The following LRRC69 variants were observed in gnomAD, a reference collection of about 807,000 sequenced individuals.
LRRC69 encodes leucine-rich repeat-containing protein 69.
A neutral mutation model predicts 37.8 loss-of-function variants in LRRC69; 42 were observed. That is an observed-to-expected ratio of 1.11 (90% CI 0.87 to 1.44). LRRC69 has a LOEUF of 1.44. Ranked by LOEUF, LRRC69 falls within the 40% of genes most tolerant of loss-of-function variation. The pLI is 0.00. For synonymous variants in LRRC69, 141 were observed against 143.1 expected (o/e 0.99, Z 0.11); for missense variants, 357 against 401.9 (o/e 0.89, Z 0.96).
chr8:91,110,285 G>C (rs1425767517), intron 1 of LRRC69, among the ~76,000 whole-genome samples: 2 of 151,998 alleles, frequency 1.3e-5, no homozygotes, highest in African/African-American at 4.8e-5. Context: ...CCATGATTTA[G>C]TTTAGGAAGA....
intron 1 of LRRC69, chr8:91,118,125 A>C (rs928879537): frequency 1.8e-5 from 8 of 454,624 alleles, no homozygotes; most frequent in Middle Eastern, 3.3e-4. Flanking sequence ...AACAAGATAA[A>C]AGTGCTACCC....
At position 91,200,686 on chromosome 8, in the gene LRRC69, A is replaced by G. The variant is rs1020548884; in HGVS notation, c.827A>G (p.Tyr276Cys). 3 of 1,527,806 alleles carry G rather than the reference A, an allele frequency of 2.0e-6. No individual in the cohort carries two copies. In the African/African-American group the frequency reaches 4.2e-5, roughly 21 times the overall value. The allele number at this position is 1,527,806 out of a possible 1,614,324, so 94.6% of individuals were successfully genotyped here. A position where few individuals can be genotyped will look rare whatever the true frequency, so the allele number is the denominator to read the frequency against. The change falls in exon 7 of 8, where the codon TAC (tyrosine) becomes TGC (cysteine). Residue 276 changes from tyrosine to cysteine, a missense_variant. Physicochemically the swap from Tyr to Cys is radical, Grantham distance 194. Coordinates refer to ENST00000448384, the Ensembl canonical transcript of LRRC69. ...TTCCTAATGGATGACATAGAACGGTACCCACAAGTCAGGAGCATGATCTCT... is the reference window on the plus strand; with the variant it reads ...TTCCTAATGGATGACATAGAACGGTGCCCACAAGTCAGGAGCATGATCTCT...
At chr8:91,171,297 T>TAA (rs1809126048) in intron 5 of LRRC69, among the ~76,000 whole-genome samples, 1 of 151,050 alleles carries the variant, frequency 6.6e-6, no homozygotes, top group African/African-American at 2.4e-5. Context: ...ATTTTAGTAT[T>TAA]AGTTATTCCA....
intron 6 of LRRC69, among the ~76,000 whole-genome samples, chr8:91,192,567 G>A (rs1809517781): frequency 6.6e-6 from 1 of 151,518 alleles, no homozygotes; most frequent in African/African-American, 2.4e-5. Context: ...ATCTCATTGT[G>A]GTTTTGATTT....
intron 5 of LRRC69, among the ~76,000 whole-genome samples, chr8:91,180,863 A>T (rs1198630360): frequency 6.6e-6 from 1 of 152,198 alleles, no homozygotes; most frequent in Non-Finnish European, 1.5e-5. Flanking sequence ...ACAGTGAGAG[A>T]TGGAAGTGGG....
chr8:91,124,520 CT>C lies in LRRC69; in HGVS notation c.215del (p.Leu72Ter). On this transcript the variant is annotated frameshift_variant, in exon 2 of 8. Transcript: ENST00000448384. LOFTEE classifies it high-confidence loss of function. ...GACAACACTAAATCTGGGAAACAAC[CT>C]TTTAGAAGAAGTTCCGGAAGAGATG... The C allele has an allele frequency of 6.5e-7, 1 of 1,540,446 alleles. No individual in the cohort carries two copies. The highest frequency in any genetic ancestry group is 8.8e-7 in the Non-Finnish European group (1 of 1,141,554).
chr8:91,137,679 T>C (rs576707600), intron 5 of LRRC69, among the ~76,000 whole-genome samples: 49 of 152,030 alleles, frequency 3.2e-4, no homozygotes, highest in Admixed American at 1.4e-3. Context: ...AGTACCTATT[T>C]CAGGAATTTC....
At chr8:91,137,931 A>G (rs1314863858) in intron 5 of LRRC69, among the ~76,000 whole-genome samples, 1 of 152,084 alleles carries the variant, frequency 6.6e-6, no homozygotes, top group South Asian at 2.1e-4. Context: ...TGTGAAACAC[A>G]GTAGTGTAGA....
intron 5 of LRRC69, among the ~76,000 whole-genome samples, chr8:91,185,673 A>T (rs536817482): frequency 6.6e-6 from 1 of 152,248 alleles, no homozygotes; most frequent in African/African-American, 2.4e-5. Flanking sequence ...TGAATTTCCC[A>T]TTGGTCACAA....
chr8:91,203,865 A>G (rs1237310972), intron 7 of LRRC69, among the ~76,000 whole-genome samples: 1 of 151,628 alleles, frequency 6.6e-6, no homozygotes, highest in Non-Finnish European at 1.5e-5. Context: ...CACGCCTGTA[A>G]TCCCAGCACT....
At chr8:91,218,762 A>C in intron 7 of LRRC69, 128 bp from the exon 8 acceptor site, 1 of 571,222 alleles carries the variant, frequency 1.8e-6, no homozygotes. Flanking sequence ...AGAGCAAATC[A>C]AGCATAAATA....
rs186468149 is a variant in LRRC69 at position 91,177,613 on chromosome 8, G to T, written c.652-11909G>T. Among the ~76,000 whole-genome samples, 1,245 of 152,142 alleles carry T rather than the reference G, an allele frequency of 8.2e-3. 11 individuals carry two copies. Among genetic ancestry groups the T allele is most frequent in the Non-Finnish European group, 9.9e-3 (673 of 67,996 alleles). On this transcript the variant is annotated intron_variant, in intron 5 of 7. Coordinates refer to ENST00000448384, the Ensembl canonical transcript of LRRC69. The stretch of plus-strand genomic sequence containing the variant: ...CTGTTCTGAAACACTGCTGCACATG[G>T]TACTCAACAAATGATAACAAATCTA...
intron 5 of LRRC69, among the ~76,000 whole-genome samples, chr8:91,151,939 T>A (rs572136424): frequency 6.6e-6 from 1 of 151,930 alleles, no homozygotes; most frequent in Non-Finnish European, 1.5e-5. Flanking sequence ...GCCGCATAAA[T>A]GTCTTCTTTT....
intron 7 of LRRC69, 48 bp downstream of exon 7, chr8:91,200,840 C>T: frequency 7.0e-7 from 1 of 1,434,722 alleles, no homozygotes; most frequent in Non-Finnish European, 9.3e-7. Context: ...TGATTCCTAT[C>T]CTTTGTTCTT....
At chr8:91,218,080 C>T (rs1025098224) in intron 7 of LRRC69, among the ~76,000 whole-genome samples, 1 of 152,130 alleles carries the variant, frequency 6.6e-6, no homozygotes, top group Non-Finnish European at 1.5e-5. Context: ...GAAGAGTGAA[C>T]AGAACAGCAA....
At chr8:91,201,269 A>T (rs1409767129) in intron 7 of LRRC69, among the ~76,000 whole-genome samples, 1 of 152,196 alleles carries the variant, frequency 6.6e-6, no homozygotes, top group Non-Finnish European at 1.5e-5. Flanking sequence ...GGCAGTTCAC[A>T]TAGCCCATAA....
At chr8:91,104,233 G>A (rs1006453954) in intron 1 of LRRC69, among the ~76,000 whole-genome samples, 20 of 151,698 alleles carry the variant, frequency 1.3e-4, no homozygotes, top group Non-Finnish European at 7.4e-5. Flanking sequence ...TCCCCACTTC[G>A]TAAGATGACA....
In LRRC69 at chr8:91,186,127, G is replaced by A. The variant is rs1053922066; in HGVS notation, c.652-3395G>A. On this transcript the variant is annotated intron_variant, in intron 5 of 7. Transcript: ENST00000448384. ...AAATCTTGAGTGCGCAGGGAGAAGC[G>A]AATGTGTCTGGCGTTTCTGAGAAGA... Among the ~76,000 whole-genome samples, 16 of 152,172 alleles carry A rather than the reference G, an allele frequency of 1.1e-4. 1 individual carries two copies. The highest frequency in any genetic ancestry group is 8.5e-4 in the Admixed American group (13 of 15,264).
Position 91,119,384 on chromosome 8 carries a change from CT to C in LRRC69, c.184-5108del, listed in dbSNP as rs1179757736. ...TGAATCTTCCTTTGGTTATCCTATG[CT>C]ATGAAGAATATTCCCAGTCGCACTC... On this transcript the variant is annotated intron_variant, in intron 1 of 7. Coordinates refer to ENST00000448384, the Ensembl canonical transcript of LRRC69. Among the ~76,000 whole-genome samples the C allele has an allele frequency of 9.2e-5, 14 of 152,136 alleles. 1 individual carries two copies. Among genetic ancestry groups the C allele is most frequent in the African/African-American group, 2.9e-4 (12 of 41,558 alleles).
Sources: gnomAD v4.1 joint callset for allele counts (sites outside exome capture counted in the v4.1 genomes callset) on GRCh38, gnomAD v4.1.1 for gene constraint, MANE v1.5 for transcripts, NCBI Gene and HGNC (gene_info 2026-07-23, HGNC 2026-07-21) for gene names.